SLITRK5: variants seen among roughly 807,000 people sequenced by gnomAD.
SLITRK5 encodes the protein SLIT and NTRK-like protein 5.
SLITRK5 carries 23 observed loss-of-function variants against 56.2 expected under a neutral mutation model. The ratio of observed to expected loss-of-function variants is 0.41; its 90% confidence interval spans 0.29 to 0.58. The LOEUF (loss-of-function observed/expected upper bound fraction) is 0.58. Ranked by LOEUF, SLITRK5 falls within the 20% of genes least tolerant of loss-of-function variation. The probability of loss-of-function intolerance (pLI) is 0.30; values close to 1 mark genes in which losing one functional copy is unlikely to be tolerated. For missense variants in SLITRK5, 1,289 were observed against 1,226.6 expected (o/e 1.05, Z -0.76); for synonymous variants, 637 against 531.8 (o/e 1.20, Z -2.72).
Position 87,677,296 on chromosome 13 carries a change from C to G in SLITRK5, c.1908C>G (p.Ala636=), listed in dbSNP as rs752858566. Residue 636 remains alanine (A), a synonymous_variant, in exon 2 of 2, where the codon GCC becomes GCG. Coordinates refer to ENST00000683689, the MANE Select transcript of SLITRK5 (RefSeq NM_001384609.1). The surrounding 1 kb of genome is among the most constrained non-coding windows in gnomAD (Gnocchi z 4.7). ...TCCAGGTCCCTGCGAGGACCAGCGC[C>G]GTGACTCCTGCGGTCCGGTTGAATA... ...SSIQVPARTS[A]VTPAVRLNST... 1 of 1,614,188 alleles carries G rather than the reference C, an allele frequency of 6.2e-7. No homozygotes were observed. The highest frequency in any genetic ancestry group is 8.5e-7 in the Non-Finnish European group (1 of 1,180,036).
chr13:87,673,640 G>A (rs1031647049), intron 1 of SLITRK5: 2 of 632,774 alleles, frequency 3.2e-6, no homozygotes, highest in African/African-American at 1.9e-5. Context: ...GACGTTTACC[G>A]TTGCGTTGGG....
In SLITRK5 at chr13:87,677,797, G is replaced by A; in HGVS notation, c.2409G>A (p.Gln803=). Residue 803 remains glutamine (Q), a synonymous_variant, in exon 2 of 2, where the codon CAG becomes CAA. Coordinates refer to ENST00000683689, the MANE Select transcript of SLITRK5 (RefSeq NM_001384609.1). This position sits in a 1 kb window ranked among gnomAD's most constrained non-coding sequence, Gnocchi z 4.7. ...AGCAGCAGCCGCCGCCGCCACCGCA[G>A]CAGCCACAGCAGCAGCCCCCGCCGC... is the stretch of plus-strand genomic sequence containing the variant. ...QQQQQPPPPP[Q]QPQQQPPPQL... 6.2e-7 allele frequency: 1 copy of A among 1,606,734 alleles called. No homozygotes were observed. Among genetic ancestry groups the A allele is most frequent in the Non-Finnish European group, 8.5e-7 (1 of 1,177,090 alleles).
chr13:87,677,452 C>A lies in SLITRK5; in HGVS notation c.2064C>A (p.Val688=). ...TGGCCGCCGGGCTCTTCGTGCTGGT[C>A]ATGAAGCGCAGGAAGAAGAACCAGA... ...VFVAAGLFVL[V]MKRRKKNQSD... is the part of the protein sequence containing the mutation. Residue 688 remains valine, a synonymous_variant, in exon 2 of 2, where the codon GTC becomes GTA. Transcript: ENST00000683689. The surrounding 1 kb of genome is among the most constrained non-coding windows in gnomAD (Gnocchi z 4.7). The A allele has an allele frequency of 6.2e-7, 1 of 1,612,880 alleles. No individual in the cohort carries two copies. Among genetic ancestry groups the A allele is most frequent in the South Asian group, 1.1e-5 (1 of 91,070 alleles).
chr13:87,671,910 C>A lies in SLITRK5; in HGVS notation c.-308C>A, dbSNP rs1427433192. Among the ~76,000 whole-genome samples, 1 of 152,136 alleles carries A rather than the reference C, an allele frequency of 6.6e-6. No homozygotes were observed. Among genetic ancestry groups the A allele is most frequent in the African/African-American group, 2.4e-5 (1 of 41,454 alleles). On this transcript the variant is annotated 5_prime_UTR_variant, in exon 1 of 2. Transcript: ENST00000683689. ...GCTGCAGCCGCCGCCTTCGCTGGAG[C>A]AGCCGAGGGGCCGGTGCCACCTTTG...
At chr13:87,675,032 A>G (rs1407126052) in intron 1 of SLITRK5, among the ~76,000 whole-genome samples, 2 of 152,052 alleles carry the variant, frequency 1.3e-5, no homozygotes, top group South Asian at 2.1e-4. Context: ...AATTAGAACC[A>G]TGAAACTGAA....
In SLITRK5 at chr13:87,675,903, C is replaced by G. The variant is rs1015870493; in HGVS notation, c.515C>G (p.Ala172Gly). The G allele has an allele frequency of 2.5e-6, 4 of 1,614,046 alleles. No individual in the cohort carries two copies. The highest frequency in any genetic ancestry group is 1.1e-5 in the South Asian group (1 of 91,082). Reference protein sequence around the residue: ...YNYISVIEPNAFGKLHLLQVL... With the variant: ...YNYISVIEPNGFGKLHLLQVL... ...TACATCAGCGTCATTGAACCCAATG[C>G]TTTTGGGAAACTGCATTTGTTGCAG... Residue 172 changes from alanine to glycine, a missense_variant, in exon 2 of 2, where the codon GCT (alanine) becomes GGT (glycine). Ala to Gly is a moderately conservative substitution (Grantham distance 60). Coordinates refer to ENST00000683689, the MANE Select transcript of SLITRK5 (RefSeq NM_001384609.1).
Position 87,675,850 on chromosome 13 carries a change from C to A in SLITRK5, c.462C>A (p.Asn154Lys), listed in dbSNP as rs760631278. Reference protein sequence around the residue: ...LRDDTFLGLENLEYLQVDYNY... With the variant: ...LRDDTFLGLEKLEYLQVDYNY... ...ATGATACCTTCCTTGGCTTGGAGAA[C>A]CTGGAGTACCTACAGGTCGATTACA... is the stretch of plus-strand genomic sequence containing the variant. Residue 154 changes from asparagine to lysine, a missense_variant, in exon 2 of 2, where the codon AAC becomes AAA. Asn to Lys is a moderately conservative substitution (Grantham distance 94, BLOSUM62 0). Around this residue, in one of 3 missense-constraint regions of SLITRK5, gnomAD observed 291 missense variants for 286.7 expected, o/e 1.02. Transcript: ENST00000683689. 6.2e-6 allele frequency: 10 copies of A among 1,614,000 alleles called. No individual in the cohort carries two copies. The East Asian group carries it at 6.7e-5, about 11-fold the overall frequency.
At chr13:87,674,464 G>T (rs1442409277) in intron 1 of SLITRK5, 1 of 950,274 alleles carries the variant, frequency 1.1e-6, no homozygotes, top group Non-Finnish European at 1.3e-6. Context: ...CGGTAGGAAC[G>T]TCCTTTTTAA....
intron 1 of SLITRK5, among the ~76,000 whole-genome samples, chr13:87,674,718 C>T (rs1380166245): frequency 6.6e-6 from 1 of 152,142 alleles, no homozygotes; most frequent in Non-Finnish European, 1.5e-5. Flanking sequence ...CAAATGCGCT[C>T]TCCTTTTTTC....
In SLITRK5 at chr13:87,678,077, C is replaced by T; in HGVS notation, c.2689C>T (p.Arg897Cys). Residue 897 changes from arginine (R) to cysteine (C), a missense_variant, in exon 2 of 2, where the codon CGC (arginine) becomes TGC (cysteine). Physicochemically the swap from Arg to Cys is radical, Grantham distance 180. Transcript: ENST00000683689. ...YTFSPNYDLRRPHQYLHPGAG... is the reference protein window; with the variant it reads ...YTFSPNYDLRCPHQYLHPGAG... ...TTTCTCCCCCAACTATGACCTGAGA[C>T]GCCCCCATCAGTATTTGCACCCGGG... 1.9e-6 allele frequency: 3 copies of T among 1,614,120 alleles called. No homozygotes were observed. The highest frequency in any genetic ancestry group is 1.6e-4 in the Middle Eastern group (1 of 6,062).
intron 1 of SLITRK5, chr13:87,674,364 C>A: frequency 7.1e-6 from 7 of 984,650 alleles, no homozygotes; most frequent in Non-Finnish European, 8.4e-6. Context: ...TAGTTCCGTG[C>A]AAACCTTGCT....
rs1024955656 is a variant in SLITRK5, at chr13:87,672,002, C to T, written c.-216C>T. Among the ~76,000 whole-genome samples the T allele has an allele frequency of 3.9e-5, 6 of 152,106 alleles. No individual in the cohort carries two copies. Among genetic ancestry groups the T allele is most frequent in the African/African-American group, 1.2e-4 (5 of 41,452 alleles). On this transcript the variant is annotated 5_prime_UTR_variant, in exon 1 of 2. Coordinates refer to ENST00000683689, the MANE Select transcript of SLITRK5 (RefSeq NM_001384609.1). ...AAGGCGGGAGATGCATGCACACCCCCGCGACCCGCTCCCTCTGGCTCGTCC... is the reference window on the plus strand; with the variant it reads ...AAGGCGGGAGATGCATGCACACCCCTGCGACCCGCTCCCTCTGGCTCGTCC...
Position 87,677,641 on chromosome 13 carries a change from C to T in SLITRK5, c.2253C>T (p.Tyr751=), listed in dbSNP as rs762965776. Residue 751 remains tyrosine (Y), a synonymous_variant, in exon 2 of 2, where the codon TAC becomes TAT. Transcript: ENST00000683689. This position sits in a 1 kb window ranked among gnomAD's most constrained non-coding sequence, Gnocchi z 4.7. The part of the protein sequence containing the change: ...VKTPAGHVYE[Y]IPHPLGHMCK... ...CGCCCGCGGGCCACGTGTATGAATA[C>T]ATCCCCCACCCACTGGGCCACATGT... 10 of 1,608,650 alleles carry T rather than the reference C, an allele frequency of 6.2e-6. No individual in the cohort carries two copies. The highest frequency in any genetic ancestry group is 5.5e-5 in the South Asian group (5 of 90,912).
At position 87,676,010 on chromosome 13, in the gene SLITRK5, C is replaced by A; in HGVS notation, c.622C>A (p.Arg208=). The part of the protein sequence containing the change: ...RFVPLTHLDL[R]GNRLKLLPYV... ...TGTGCCCTTAACGCACTTGGACCTC[C>A]GGGGGAACCGGCTGAAACTTCTGCC... Residue 208 remains arginine (R), a synonymous_variant, in exon 2 of 2, where the codon CGG becomes AGG. Transcript: ENST00000683689. The A allele has an allele frequency of 6.2e-7, 1 of 1,614,118 alleles. No individual in the cohort carries two copies. The highest frequency in any genetic ancestry group is 8.5e-7 in the Non-Finnish European group (1 of 1,180,030).
chr13:87,679,174 C>G lies in SLITRK5; in HGVS notation c.*909C>G, dbSNP rs1434440682. The G allele has an allele frequency of 6.0e-6, 1 of 166,830 alleles. No homozygotes were observed. Among genetic ancestry groups the G allele is most frequent in the Non-Finnish European group, 1.5e-5 (1 of 68,080 alleles). 10.3% of individuals were successfully genotyped at this position (166,830 alleles called of 1,614,324 possible). On this transcript the variant is annotated 3_prime_UTR_variant, in exon 2 of 2. Transcript: ENST00000683689. ...CTAAATCTTTAAAAGCCAATGCAAC[C>G]CACCCAATTGAATCTGCATTTTCTT...
intron 1 of SLITRK5, chr13:87,672,485 C>G (rs1423350468): frequency 6.6e-6 from 1 of 150,792 alleles, no homozygotes; most frequent in African/African-American, 2.4e-5. Flanking sequence ...CCTCTCCAGC[C>G]GGACCTCCGC....
rs764777405 is a variant in SLITRK5, at chr13:87,677,891, G to T, written c.2503G>T (p.Val835Phe). Residue 835 changes from valine to phenylalanine, a missense_variant, in exon 2 of 2, where the codon GTC (valine) becomes TTC (phenylalanine). Physicochemically the swap from Val to Phe is conservative, Grantham distance 50 (BLOSUM62 -1). This residue lies in a region of SLITRK5 where 985 missense variants were observed against 906.0 expected (regional missense o/e 1.09). Transcript: ENST00000683689. This position sits in a 1 kb window ranked among gnomAD's most constrained non-coding sequence, Gnocchi z 4.7. ...CCACTTGCGGAGCCCCGCCTACAGC[G>T]TCAGCACCATCGAGCCCCGGGAGGA... ...SHHLRSPAYS[V>F]STIEPREDLL... 6.2e-7 allele frequency: 1 copy of T among 1,612,834 alleles called. No individual in the cohort carries two copies. Among genetic ancestry groups the T allele is most frequent in the Non-Finnish European group, 8.5e-7 (1 of 1,179,530 alleles).
In SLITRK5 at chr13:87,676,248, G is replaced by T. The variant is rs745733079; in HGVS notation, c.860G>T (p.Arg287Ile). The stretch of plus-strand genomic sequence containing the variant: ...TCCAAGCAGGAACTTTGCCCAAGGA[G>T]ACTTATTTCTGACTACGAGATGAGG... ...EVSKQELCPR[R>I]LISDYEMRPQ... is the part of the protein sequence containing the mutation. The change falls in exon 2 of 2, where the codon AGA becomes ATA. Residue 287 changes from arginine (R) to isoleucine (I), a missense_variant. This residue lies in a region of SLITRK5 where 985 missense variants were observed against 906.0 expected (regional missense o/e 1.09). Transcript: ENST00000683689. The T allele has an allele frequency of 1.5e-5, 24 of 1,614,122 alleles. No individual in the cohort carries two copies. In the East Asian group the frequency reaches 5.1e-4, roughly 35 times the overall value.
rs1344110245 is a variant in SLITRK5, at chr13:87,676,993, G to A, written c.1605G>A (p.Leu535=). ...GCTTGACCCTCCTCAGGCTAAACCT[G>A]AGGAGTAACCACTTCACCTCCTTGC... is the stretch of plus-strand genomic sequence containing the variant. ...FSGLTLLRLN[L]RSNHFTSLPV... Residue 535 remains leucine (L), a synonymous_variant, in exon 2 of 2, where the codon CTG becomes CTA. Coordinates refer to ENST00000683689, the MANE Select transcript of SLITRK5 (RefSeq NM_001384609.1). 1.9e-6 allele frequency: 3 copies of A among 1,614,000 alleles called. No individual in the cohort carries two copies. Among genetic ancestry groups the A allele is most frequent in the Middle Eastern group, 1.6e-4 (1 of 6,084 alleles).
Sources: allele counts gnomAD v4.1 joint callset (sites outside exome capture counted in the v4.1 genomes callset), GRCh38; gene constraint gnomAD v4.1.1; regional missense constraint gnomAD v4.1.1; non-coding constraint Gnocchi (gnomAD v3.1); transcripts MANE v1.5; gene names NCBI Gene and HGNC (gene_info 2026-07-23, HGNC 2026-07-21).